DAB2IP: variants seen among roughly 807,000 people sequenced by gnomAD.
The protein encoded by DAB2IP is DAB2 interacting protein, also known as disabled homolog 2-interacting protein.
A neutral mutation model predicts 107.2 loss-of-function variants in DAB2IP; 28 were observed. The observed-to-expected ratio is 0.26, with a 90% CI of 0.19 to 0.36. The LOEUF is 0.36. Ranked by LOEUF, DAB2IP falls within the 10% of genes least tolerant of loss-of-function variation. The pLI is 1.00. For missense variants in DAB2IP, 1,400 were observed against 1,644.7 expected, an observed-to-expected ratio of 0.85 and a Z score of 2.57; for synonymous variants, 755 against 706.4, an observed-to-expected ratio of 1.07 and a Z score of -1.09.
At chr9:121,763,470 T>C in intron 6 of DAB2IP, 35 bp from the exon 7 acceptor site, 1 of 1,590,298 alleles carries the variant, frequency 6.3e-7, no homozygotes, top group Non-Finnish European at 8.6e-7. Flanking sequence ...CCAGGCCAGC[T>C]CAGGTCCTGC....
At chr9:121,750,636 C>T (rs755394808) in intron 3 of DAB2IP, among the ~76,000 whole-genome samples, 1 of 152,126 alleles carries the variant, frequency 6.6e-6, no homozygotes, top group African/African-American at 2.4e-5. Flanking sequence ...CCTTATTTTC[C>T]GACCAAACAA....
intron 3 of DAB2IP, among the ~76,000 whole-genome samples, chr9:121,720,993 A>G (rs1472590655): frequency 6.6e-6 from 1 of 152,250 alleles, no homozygotes; most frequent in Non-Finnish European, 1.5e-5. Flanking sequence ...GACCTCCTGC[A>G]GGCGAGCATT....
intron 3 of DAB2IP, among the ~76,000 whole-genome samples, chr9:121,741,225 G>A (rs1044988323): frequency 6.6e-6 from 1 of 152,196 alleles, no homozygotes; most frequent in African/African-American, 2.4e-5. Context: ...GGATGCTTGC[G>A]GCAAAGCCTG....
chr9:121,753,265 G>T (rs1036638436), intron 3 of DAB2IP, among the ~76,000 whole-genome samples: 1 of 152,158 alleles, frequency 6.6e-6, no homozygotes, highest in East Asian at 1.9e-4. Flanking sequence ...TGCAGGGGTG[G>T]AATCCCCATG....
intron 14 of DAB2IP, among the ~76,000 whole-genome samples, chr9:121,777,787 G>A (rs1230457489): frequency 6.6e-6 from 1 of 151,942 alleles, no homozygotes; most frequent in Non-Finnish European, 1.5e-5. Context: ...TTTGCTTTAT[G>A]TACACTGAAA....
At chr9:121,727,600 G>C (rs1269561367) in intron 3 of DAB2IP, among the ~76,000 whole-genome samples, 1 of 152,178 alleles carries the variant, frequency 6.6e-6, no homozygotes, top group East Asian at 1.9e-4. Context: ...GCAAGAAAGA[G>C]ACTGGGCCCT....
intron 8 of DAB2IP, among the ~76,000 whole-genome samples, chr9:121,764,622 T>G (rs1369471240): frequency 6.6e-6 from 1 of 152,110 alleles, no homozygotes; most frequent in Non-Finnish European, 1.5e-5. Flanking sequence ...TGGGTTCATA[T>G]TCACCCCAGA....
At chr9:121,727,279 C>T (rs1831285862) in intron 3 of DAB2IP, among the ~76,000 whole-genome samples, 2 of 152,212 alleles carry the variant, frequency 1.3e-5, no homozygotes, top group Admixed American at 6.5e-5. Context: ...TGCTTCCCAG[C>T]GTTGTGGCCT....
chr9:121,778,264 C>T (rs1452008068), intron 14 of DAB2IP, among the ~76,000 whole-genome samples: 1 of 152,184 alleles, frequency 6.6e-6, no homozygotes, highest in Admixed American at 6.5e-5. Context: ...AGGATGTAAT[C>T]ACCTCTCAAA....
chr9:121,642,025 CTCTCTCTTTCTT>C (rs1832354729), intron 1 of DAB2IP, among the ~76,000 whole-genome samples: 1 of 10,888 alleles, frequency 9.2e-5, no homozygotes, highest in Non-Finnish European at 1.9e-4. Context: ...CTCTCTCTCT[CTCTCTCTTTCTT>C]TCTTTCTTTC....
intron 3 of DAB2IP, among the ~76,000 whole-genome samples, chr9:121,719,532 G>A (rs942785265): frequency 4.6e-5 from 7 of 152,120 alleles, no homozygotes; most frequent in African/African-American, 1.7e-4. Flanking sequence ...CTGGAGCATC[G>A]GGAGAGTGAG....
At chr9:121,631,740 C>A (rs983874560) in intron 1 of DAB2IP, among the ~76,000 whole-genome samples, 10 of 147,064 alleles carry the variant, frequency 6.8e-5, no homozygotes, top group Non-Finnish European at 1.5e-4. Context: ...CGCTTGAACC[C>A]GGGAGGTGGA....
intron 1 of DAB2IP, among the ~76,000 whole-genome samples, chr9:121,674,008 T>G (rs1589492976): frequency 6.6e-6 from 1 of 152,268 alleles, no homozygotes; most frequent in Admixed American, 6.5e-5. Context: ...AGGGGCTGCT[T>G]ATGAAGGCGT....
At chr9:121,602,541 A>G (rs1217225517) in intron 1 of DAB2IP, among the ~76,000 whole-genome samples, 1 of 151,732 alleles carries the variant, frequency 6.6e-6, no homozygotes, top group African/African-American at 2.4e-5. Context: ...CTACAGGCAC[A>G]TGCCACCATG....
At chr9:121,617,061 C>A (rs541013622) in intron 1 of DAB2IP, among the ~76,000 whole-genome samples, 1 of 152,150 alleles carries the variant, frequency 6.6e-6, no homozygotes, top group South Asian at 2.1e-4. Flanking sequence ...TGGCCAGGCA[C>A]GCTGGCTCAT....
chr9:121,766,890 T>A (rs1459185157), intron 9 of DAB2IP, among the ~76,000 whole-genome samples, 160 bp downstream of exon 9: 1 of 152,210 alleles, frequency 6.6e-6, no homozygotes, highest in Non-Finnish European at 1.5e-5. Flanking sequence ...TTTTAAAAAA[T>A]AAAATCTCCA....
intron 1 of DAB2IP, among the ~76,000 whole-genome samples, chr9:121,666,608 G>T (rs1054006814): frequency 6.6e-6 from 1 of 152,118 alleles, no homozygotes; most frequent in African/African-American, 2.4e-5. Flanking sequence ...GGGTTGGGGG[G>T]CCAGGGGAGG....
intron 1 of DAB2IP, among the ~76,000 whole-genome samples, chr9:121,612,502 A>T (rs932469392): frequency 3.3e-5 from 5 of 152,152 alleles, no homozygotes; most frequent in African/African-American, 7.2e-5. Context: ...TATCTTTTGC[A>T]TGGTATCCAC....
At chr9:121,759,156 G>C (rs1833703631) in intron 5 of DAB2IP, among the ~76,000 whole-genome samples, 160 bp downstream of exon 5, 1 of 152,216 alleles carries the variant, frequency 6.6e-6, no homozygotes, top group African/African-American at 2.4e-5. Context: ...CTCTGAAAGA[G>C]ACGTTTGAGT....
Sources: gnomAD v4.1 joint callset for allele counts (sites outside exome capture counted in the v4.1 genomes callset) on GRCh38, gnomAD v4.1.1 for gene constraint, MANE v1.5 for transcripts, NCBI Gene and HGNC (gene_info 2026-07-23, HGNC 2026-07-21) for gene names.